The following PTPRR variants were observed in gnomAD, a reference collection of about 807,000 sequenced individuals.
PTPRR encodes the protein protein tyrosine phosphatase receptor type R.
In PTPRR, 38 loss-of-function variants were observed where a neutral mutation model predicts 77.2. That is an observed-to-expected ratio of 0.49 (90% CI 0.38 to 0.65). PTPRR has a LOEUF of 0.65. Ranked by LOEUF, PTPRR falls within the 30% of genes least tolerant of loss-of-function variation. PTPRR has a pLI of 0.00. For synonymous variants in PTPRR, 299 were observed against 283.1 expected, an observed-to-expected ratio of 1.06 and a Z score of -0.57; for missense variants, 744 against 799.2, an observed-to-expected ratio of 0.93 and a Z score of 0.83.
In PTPRR at chr12:70,766,682, C is replaced by T. The variant is rs530125141; in HGVS notation, c.358-1904G>A. 9.6e-3 allele frequency among the ~76,000 whole-genome samples: 1,442 copies of T among 150,894 alleles called. 9 individuals are homozygous for T. The highest frequency in any genetic ancestry group is 9.9e-3 in the Non-Finnish European group (670 of 67,814). ...CAGAGAATGCCACAAAGATACTCCT[C>T]GAGAAGAGCAACTCCAAGACACATA... On this transcript the variant is annotated intron_variant, in intron 2 of 13. Transcript: ENST00000283228.
At chr12:70,709,451 A>T (rs1888742969) in intron 6 of PTPRR, among the ~76,000 whole-genome samples, 1 of 152,164 alleles carries the variant, frequency 6.6e-6, no homozygotes, top group South Asian at 2.1e-4. Context: ...ATAGTATTGG[A>T]TGTCCTGGCC....
intron 6 of PTPRR, among the ~76,000 whole-genome samples, chr12:70,725,801 C>T (rs181248870): frequency 2.6e-5 from 4 of 152,164 alleles, no homozygotes; most frequent in African/African-American, 4.8e-5. Context: ...AAATTTTAAA[C>T]GTCAAAGAGT....
chr12:70,775,083 A>G (rs961948459), intron 2 of PTPRR, among the ~76,000 whole-genome samples: 2 of 152,258 alleles, frequency 1.3e-5, no homozygotes, highest in Non-Finnish European at 2.9e-5. Context: ...AGAGATTAAA[A>G]TGTTCTTTCC....
At chr12:70,831,341 T>G (rs2137050489) in intron 2 of PTPRR, among the ~76,000 whole-genome samples, 1 of 152,332 alleles carries the variant, frequency 6.6e-6, no homozygotes, top group East Asian at 1.9e-4. Flanking sequence ...TTCACTATTT[T>G]GAACCCAGCA....
At chr12:70,776,531 CA>C (rs1388916839) in intron 2 of PTPRR, among the ~76,000 whole-genome samples, 2 of 152,080 alleles carry the variant, frequency 1.3e-5, no homozygotes, top group Non-Finnish European at 2.9e-5. Context: ...CTCCATTCAC[CA>C]AATTTGCCCT....
chr12:70,678,922 T>G (rs1354942966), intron 10 of PTPRR, among the ~76,000 whole-genome samples: 1 of 152,186 alleles, frequency 6.6e-6, no homozygotes, highest in Non-Finnish European at 1.5e-5. Context: ...CCTCAAGTGA[T>G]CTGCCTGCCT....
intron 1 of PTPRR, among the ~76,000 whole-genome samples, chr12:70,896,640 G>A (rs1447219868): frequency 6.6e-6 from 1 of 151,688 alleles, no homozygotes; most frequent in Non-Finnish European, 1.5e-5. Context: ...CAAAGAGAAA[G>A]TCACAAGACA....
chr12:70,777,723 A>AG (rs1289389634), intron 2 of PTPRR, among the ~76,000 whole-genome samples: 31 of 152,164 alleles, frequency 2.0e-4, no homozygotes, highest in African/African-American at 7.2e-4. Flanking sequence ...GGATGGGTCC[A>AG]GGGTCACCCT....
At chr12:70,843,478 C>A (rs1330013512) in intron 2 of PTPRR, among the ~76,000 whole-genome samples, 2 of 152,092 alleles carry the variant, frequency 1.3e-5, no homozygotes, top group Non-Finnish European at 2.9e-5. Flanking sequence ...TAGAAGGTAA[C>A]CTATCTTCAT....
At chr12:70,838,097 A>T (rs753974125) in intron 2 of PTPRR, among the ~76,000 whole-genome samples, 85 of 152,258 alleles carry the variant, frequency 5.6e-4, no homozygotes, top group Non-Finnish European at 1.1e-3. Flanking sequence ...TATTGACCTG[A>T]AATGTCTTGT....
At chr12:70,775,197 A>C (rs1891063316) in intron 2 of PTPRR, among the ~76,000 whole-genome samples, 1 of 124,542 alleles carries the variant, frequency 8.0e-6, no homozygotes. Flanking sequence ...ATAAACATAC[A>C]GAAAAAACAT....
At chr12:70,906,906 A>C (rs1271171811) in intron 1 of PTPRR, 1 of 152,336 alleles carries the variant, frequency 6.6e-6, no homozygotes, top group Non-Finnish European at 1.5e-5. Flanking sequence ...TTATTAAAAG[A>C]ACACTTCCAA....
At chr12:70,903,369 A>G (rs1252709571) in intron 1 of PTPRR, among the ~76,000 whole-genome samples, 2 of 151,856 alleles carry the variant, frequency 1.3e-5, no homozygotes, top group Admixed American at 6.6e-5. Flanking sequence ...CATACATAAA[A>G]TTATGATCTG....
chr12:70,745,884 T>C lies in PTPRR; in HGVS notation c.941A>G (p.Lys314Arg), dbSNP rs3803036. Residue 314 changes from lysine (K) to arginine (R), a missense_variant, in exon 6 of 14, where the codon AAA becomes AGA. Around this residue, in one of 3 missense-constraint regions of PTPRR, gnomAD observed 570 missense variants for 573.2 expected, o/e 0.99. Transcript: ENST00000283228. ...GCAAACAGAGGTAGCGGTGGTAGCT[T>C]TGATCTCAGGAGCACCTCGGCCTTG... is the stretch of plus-strand genomic sequence containing the variant. ...DPQGRGAPEI[K>R]ATTATSVCPS... 1,236,120 of 1,613,718 alleles carry C rather than the reference T, an allele frequency of 0.77. 480,733 individuals are homozygous for C. The highest frequency in any genetic ancestry group is 0.92 in the East Asian group (41,424 of 44,848).
intron 2 of PTPRR, among the ~76,000 whole-genome samples, chr12:70,860,110 CA>C (rs1308963291): frequency 2.0e-5 from 3 of 151,996 alleles, no homozygotes; most frequent in Non-Finnish European, 4.4e-5. Context: ...TACTTTCTGG[CA>C]AAAGGATACA....
chr12:70,865,444 G>A (rs187327822), intron 2 of PTPRR, among the ~76,000 whole-genome samples: 192 of 152,190 alleles, frequency 1.3e-3, no homozygotes, highest in Non-Finnish European at 1.4e-3. Context: ...GAGGACAGGT[G>A]GAAAATTTTC....
intron 2 of PTPRR, among the ~76,000 whole-genome samples, chr12:70,887,464 G>T (rs1261830283): frequency 6.6e-6 from 1 of 151,454 alleles, no homozygotes; most frequent in African/African-American, 2.4e-5. Context: ...AAAAAATTAA[G>T]TAATAAGGTG....
chr12:70,892,549 A>G (rs561184121), intron 2 of PTPRR, 130 bp downstream of exon 2: 10 of 1,098,170 alleles, frequency 9.1e-6, no homozygotes, highest in African/African-American at 1.6e-5. Context: ...GTACCACAGA[A>G]TAAGTGCTGT....
intron 2 of PTPRR, among the ~76,000 whole-genome samples, chr12:70,814,984 A>G (rs1891875102): frequency 1.3e-5 from 2 of 152,192 alleles, no homozygotes; most frequent in South Asian, 2.1e-4. Flanking sequence ...AATAATGCAG[A>G]GAAAATAATA....
Sources: allele counts gnomAD v4.1 joint callset (sites outside exome capture counted in the v4.1 genomes callset), GRCh38; gene constraint gnomAD v4.1.1; regional missense constraint gnomAD v4.1.1; transcripts MANE v1.5; gene names NCBI Gene and HGNC (gene_info 2026-07-23, HGNC 2026-07-21).